DOCK3: variants seen among roughly 807,000 people sequenced by gnomAD.
DOCK3 encodes the protein dedicator of cytokinesis 3, also known as dedicator of cytokinesis protein 3.
Under a neutral mutation model 265.6 loss-of-function variants are expected in DOCK3, and 60 were observed. The observed-to-expected ratio is 0.23, with a 90% CI of 0.18 to 0.28. DOCK3 has a LOEUF of 0.28. Ranked by LOEUF, DOCK3 falls within the 10% of genes least tolerant of loss-of-function variation. DOCK3 has a pLI of 1.00. For synonymous variants in DOCK3, 881 were observed against 938.0 expected (o/e 0.94, Z 1.11); for missense variants, 1,981 against 2,594.3 (o/e 0.76, Z 5.14).
rs148344271 is a variant in DOCK3 at position 51,326,583 on chromosome 3, T to TTTGTTG, written c.3403-3507_3403-3502dup. 1.0e-3 allele frequency among the ~76,000 whole-genome samples: 146 copies of TTTGTTG among 140,116 alleles called. 2 individuals are homozygous for TTTGTTG. The highest frequency in any genetic ancestry group is 3.6e-3 in the Admixed American group (51 of 14,002). The allele number at this position is 140,116 out of a possible 152,430, so 91.9% of individuals were successfully genotyped here. A position where few individuals can be genotyped will look rare whatever the true frequency, so the allele number is the denominator to read the frequency against. The stretch of plus-strand genomic sequence containing the variant: ...GCGTGAGCCCCCACGCCTGGCATGT[T>TTTGTTG]TTGTTGTTGTTGTTGTTGTTGTTGT... On this transcript the variant is annotated intron_variant, in intron 32 of 52. Coordinates refer to ENST00000266037, the MANE Select transcript of DOCK3 (RefSeq NM_004947.5).
chr3:51,118,275 A>T (rs1298722553), intron 9 of DOCK3, among the ~76,000 whole-genome samples: 9 of 152,150 alleles, frequency 5.9e-5, no homozygotes. Flanking sequence ...GTTTTGAGTG[A>T]GTTTCTTAAT....
chr3:51,102,435 G>A (rs999381887), intron 9 of DOCK3, among the ~76,000 whole-genome samples: 4 of 152,146 alleles, frequency 2.6e-5, no homozygotes, highest in Non-Finnish European at 4.4e-5. Context: ...GTGCTAAATG[G>A]TGTTTAAAAA....
At chr3:50,719,608 A>G in intron 1 of DOCK3, 2 of 1,524,772 alleles carry the variant, frequency 1.3e-6, no homozygotes, top group South Asian at 2.2e-5. Flanking sequence ...CATGCTTGCC[A>G]TCCAACCACT....
intron 27 of DOCK3, among the ~76,000 whole-genome samples, chr3:51,301,915 T>G (rs2082380812): frequency 1.3e-5 from 2 of 152,122 alleles, no homozygotes; most frequent in South Asian, 4.1e-4. Flanking sequence ...CTGTTGTTTT[T>G]GGGTGGAGAG....
chr3:50,798,052 C>T (rs937083541), intron 2 of DOCK3, among the ~76,000 whole-genome samples: 5 of 152,008 alleles, frequency 3.3e-5, no homozygotes, highest in Non-Finnish European at 7.4e-5. Context: ...TGTATTCTGA[C>T]CACAGTATAA....
intron 3 of DOCK3, among the ~76,000 whole-genome samples, chr3:50,876,087 G>T (rs2047689375): frequency 6.6e-6 from 1 of 151,978 alleles, no homozygotes; most frequent in African/African-American, 2.4e-5. Flanking sequence ...AGTATTTCCA[G>T]TCTGTTTCTG....
chr3:50,959,126 G>A (rs553398607), intron 5 of DOCK3, among the ~76,000 whole-genome samples: 2 of 152,150 alleles, frequency 1.3e-5, no homozygotes, highest in Admixed American at 1.3e-4. Flanking sequence ...TACATTTTCT[G>A]TGCATTTCAT....
intron 1 of DOCK3, chr3:50,719,680 T>C: frequency 6.4e-7 from 1 of 1,555,724 alleles, no homozygotes; most frequent in East Asian, 2.2e-5. Context: ...GCATTTGACA[T>C]GGACAAGATG....
chr3:50,988,088 C>T (rs1424921311), intron 5 of DOCK3, among the ~76,000 whole-genome samples: 1 of 152,202 alleles, frequency 6.6e-6, no homozygotes, highest in Non-Finnish European at 1.5e-5. Flanking sequence ...GCTTGGATTT[C>T]CACCCAGCCT....
chr3:51,249,719 C>G (rs1288283428), intron 22 of DOCK3, among the ~76,000 whole-genome samples: 1 of 129,298 alleles, frequency 7.7e-6, no homozygotes, highest in Non-Finnish European at 1.7e-5. Flanking sequence ...GCCCGGCCGC[C>G]CCTACTGGAA....
At chr3:51,136,657 C>G (rs879883093) in intron 9 of DOCK3, among the ~76,000 whole-genome samples, 6 of 152,110 alleles carry the variant, frequency 3.9e-5, no homozygotes, top group Admixed American at 3.9e-4. Flanking sequence ...ATAGCCTCAG[C>G]ATTTAGCTCG....
chr3:50,832,197 A>G (rs941972948), intron 2 of DOCK3, among the ~76,000 whole-genome samples: 1 of 152,228 alleles, frequency 6.6e-6, no homozygotes, highest in East Asian at 1.9e-4. Context: ...TTTACACCTT[A>G]TACAAAAATT....
chr3:50,677,413 G>A (rs1419694647), intron 1 of DOCK3, among the ~76,000 whole-genome samples: 1 of 152,148 alleles, frequency 6.6e-6, no homozygotes, highest in Non-Finnish European at 1.5e-5. Context: ...TTATACTTAT[G>A]AGAAAAATAG....
chr3:51,163,307 GA>G (rs1318800441), intron 12 of DOCK3, among the ~76,000 whole-genome samples: 1 of 151,882 alleles, frequency 6.6e-6, no homozygotes, highest in East Asian at 1.9e-4. Context: ...AGAGAAGGTA[GA>G]AACTCCTGTC....
intron 1 of DOCK3, among the ~76,000 whole-genome samples, chr3:50,770,973 A>G (rs1343587945): frequency 1.3e-5 from 2 of 152,190 alleles, no homozygotes; most frequent in East Asian, 1.9e-4. Context: ...AAAATGGATT[A>G]CAACCTCAAA....
chr3:51,315,093 G>A lies in DOCK3; in HGVS notation c.3367G>A (p.Asp1123Asn), dbSNP rs2083293582. The A allele has an allele frequency of 6.2e-7, 1 of 1,611,330 alleles. No individual in the cohort carries two copies. The highest frequency in any genetic ancestry group is 1.3e-5 in the African/African-American group (1 of 74,830). The change falls in exon 32 of 53, where the codon GAC (aspartate) becomes AAC (asparagine). Residue 1123 changes from aspartate to asparagine, a missense_variant. Physicochemically the swap from Asp to Asn is conservative, Grantham distance 23. Coordinates refer to ENST00000266037, the MANE Select transcript of DOCK3 (RefSeq NM_004947.5). ...GATTCCCATCTTTCATGACATGATG[G>A]ACTGGGAGCAGAGAAAAAATGGCAA... The part of the protein sequence containing the change: ...IMIPIFHDMM[D>N]WEQRKNGNFK...
At chr3:51,371,569 C>T (rs966616989) in intron 49 of DOCK3, among the ~76,000 whole-genome samples, 1 of 152,228 alleles carries the variant, frequency 6.6e-6, no homozygotes, top group African/African-American at 2.4e-5. Context: ...AGTAGATACA[C>T]TCTGGGCAAA....
At chr3:51,195,887 T>C (rs2088265718) in intron 12 of DOCK3, among the ~76,000 whole-genome samples, 1 of 152,176 alleles carries the variant, frequency 6.6e-6, no homozygotes, top group Non-Finnish European at 1.5e-5. Flanking sequence ...TTTGCATGTA[T>C]AGCATTCTTA....
chr3:50,731,246 C>T (rs144655985), intron 1 of DOCK3, among the ~76,000 whole-genome samples: 19 of 152,074 alleles, frequency 1.2e-4, no homozygotes, highest in South Asian at 1.2e-3. Flanking sequence ...GTTGTTTATC[C>T]GAGAAAGGCA....
Sources: gnomAD v4.1 joint callset for allele counts (sites outside exome capture counted in the v4.1 genomes callset) on GRCh38, gnomAD v4.1.1 for gene constraint, MANE v1.5 for transcripts, NCBI Gene and HGNC (gene_info 2026-07-23, HGNC 2026-07-21) for gene names.